TG: variants seen among roughly 807,000 people sequenced by gnomAD.
TG encodes thyroglobulin, also known as thyroid hormones.
Under a neutral mutation model 324.7 loss-of-function variants are expected in TG, and 270 were observed. The observed-to-expected ratio is 0.83, with a 90% confidence interval of 0.75 to 0.92. The LOEUF is 0.92. Among genes scored for constraint, TG ranks in the 40% least tolerant of loss-of-function variants. The pLI, the probability that TG is intolerant of heterozygous loss-of-function variation, is 0.00. For synonymous variants in TG, 1,401 were observed against 1,327.0 expected (o/e 1.06, Z -1.21); for missense variants, 3,591 against 3,456.4 (o/e 1.04, Z -0.98).
chr8:132,935,134 ACT>A (rs1160405413), intron 24 of TG, among the ~76,000 whole-genome samples: 1 of 136,512 alleles, frequency 7.3e-6, no homozygotes, highest in South Asian at 2.4e-4. Flanking sequence ...CATCTGGCAA[ACT>A]CTTTTTTTTT....
chr8:132,968,508 A>T (rs950508117), intron 31 of TG, among the ~76,000 whole-genome samples: 4 of 152,042 alleles, frequency 2.6e-5, no homozygotes, highest in Non-Finnish European at 5.9e-5. Flanking sequence ...GATTTTTTTT[A>T]ACCCCATACA....
chr8:133,027,971 T>G (rs974740945), intron 40 of TG, among the ~76,000 whole-genome samples: 1 of 152,238 alleles, frequency 6.6e-6, no homozygotes, highest in Non-Finnish European at 1.5e-5. Context: ...GCTTTCTGCC[T>G]TACCTAGCAT....
intron 27 of TG, among the ~76,000 whole-genome samples, chr8:132,956,730 A>G (rs950724339): frequency 5.3e-5 from 8 of 152,140 alleles, no homozygotes; most frequent in Admixed American, 2.6e-4. Flanking sequence ...TGCAGGACCA[A>G]AGGTAGGTTT....
intron 15 of TG, 28 bp downstream of exon 15, chr8:132,900,367 T>C: frequency 1.3e-6 from 2 of 1,583,794 alleles, no homozygotes; most frequent in South Asian, 2.3e-5. Context: ...CTGGCATGGC[T>C]TCTCACCTCT....
intron 40 of TG, among the ~76,000 whole-genome samples, chr8:133,026,112 C>T (rs981031838): frequency 6.6e-6 from 1 of 152,240 alleles, no homozygotes; most frequent in Admixed American, 6.5e-5. Context: ...CTAGCTGCCT[C>T]CTGGCACAGA....
intron 25 of TG, among the ~76,000 whole-genome samples, chr8:132,939,592 A>G (rs1019745722): frequency 1.3e-5 from 2 of 151,726 alleles, no homozygotes; most frequent in Non-Finnish European, 2.9e-5. Flanking sequence ...GGAGATACAT[A>G]AAACATCTGC....
chr8:132,900,522 GCA>G (rs1468812993), intron 15 of TG, among the ~76,000 whole-genome samples, 183 bp downstream of exon 15: 1 of 152,188 alleles, frequency 6.6e-6, no homozygotes, highest in Non-Finnish European at 1.5e-5. Context: ...CCCCATCTCT[GCA>G]GTTTCTTGGG....
chr8:132,880,231 A>G (rs1382542417), intron 5 of TG, among the ~76,000 whole-genome samples: 1 of 152,204 alleles, frequency 6.6e-6, no homozygotes, highest in Non-Finnish European at 1.5e-5. Context: ...CTAGTTCAAG[A>G]CAGTGGCCCA....
chr8:132,997,005 TTTTG>T (rs935309905), intron 35 of TG, among the ~76,000 whole-genome samples: 34 of 152,312 alleles, frequency 2.2e-4, no homozygotes, highest in African/African-American at 8.2e-4. Context: ...ACACTACGTT[TTTTG>T]TTTGTTTGTT....
intron 20 of TG, among the ~76,000 whole-genome samples, chr8:132,917,039 CTCCCTCCTTCCTTCCT>C (rs1377499438): frequency 5.2e-5 from 3 of 58,048 alleles, no homozygotes; most frequent in African/African-American, 1.5e-4. Context: ...CCCTCCCTCC[CTCCCTCCTTCCTTCCT>C]TCCTTCCTTC....
At chr8:132,985,107 T>C (rs1686306628) in intron 35 of TG, among the ~76,000 whole-genome samples, 2 of 152,172 alleles carry the variant, frequency 1.3e-5, no homozygotes, top group South Asian at 4.1e-4. Flanking sequence ...GTGGGTTCCA[T>C]AGCCGTGTGT....
intron 25 of TG, among the ~76,000 whole-genome samples, chr8:132,939,561 G>C (rs1214894517): frequency 6.6e-6 from 1 of 152,212 alleles, no homozygotes; most frequent in Non-Finnish European, 1.5e-5. Flanking sequence ...AATGCTTGGA[G>C]GGAGAAGACG....
At chr8:132,904,824 A>C (rs1226506385) in intron 16 of TG, among the ~76,000 whole-genome samples, 2 of 152,178 alleles carry the variant, frequency 1.3e-5, no homozygotes, top group African/African-American at 4.8e-5. Context: ...TATTCACTGA[A>C]ATGGGAAGGA....
Position 132,971,801 on chromosome 8 carries a change from G to C in TG, c.5983G>C (p.Glu1995Gln). ...TTTCTCTTCCTATGCCAGGTTCTTT[G>C]AATGTGAACGACGGTGCGATGCGGA... ...SEKSISNGFF[E>Q]CERRCDADPC... The change falls in exon 33 of 48, where the codon GAA (glutamate) becomes CAA (glutamine). Residue 1995 changes from glutamate (E) to glutamine (Q), a missense_variant. By Grantham distance (29) the Glu-to-Gln change is conservative. Transcript: ENST00000220616. 6.2e-7 allele frequency: 1 copy of C among 1,612,942 alleles called. No homozygotes were observed. Among genetic ancestry groups the C allele is most frequent in the South Asian group, 1.1e-5 (1 of 91,050 alleles).
chr8:133,006,462 G>A (rs540469713), intron 35 of TG, among the ~76,000 whole-genome samples: 15 of 152,342 alleles, frequency 9.8e-5, no homozygotes, highest in African/African-American at 3.4e-4. Context: ...TACGATGGAC[G>A]GGTAAGAATC....
intron 41 of TG, among the ~76,000 whole-genome samples, chr8:133,057,571 A>G (rs1164172561): frequency 6.6e-6 from 1 of 152,044 alleles, no homozygotes; most frequent in Non-Finnish European, 1.5e-5. Context: ...CTTGTTCCAG[A>G]TCTCTGGGGC....
In TG at chr8:132,901,269, C is replaced by T. The variant is rs978325415; in HGVS notation, c.3434-84C>T. ...TGCAGGCAGGTGGGCTGAGGGTGGC[C>T]GTGGGTGGTGAGGAGGGTGATTGGG... On this transcript the variant is annotated intron_variant, in intron 15 of 47. Coordinates refer to ENST00000220616, the MANE Select transcript of TG (RefSeq NM_003235.5). 32 of 1,535,842 alleles carry T rather than the reference C, an allele frequency of 2.1e-5. No individual in the cohort carries two copies. In the African/African-American group the frequency reaches 2.2e-4, roughly 10 times the overall value.
In TG at chr8:133,017,791, C is replaced by A; in HGVS notation, c.6576C>A (p.Leu2192=). The change falls in exon 38 of 48, where the codon CTC becomes CTA. Residue 2192 remains leucine (L), a synonymous_variant. Coordinates refer to ENST00000220616, the MANE Select transcript of TG (RefSeq NM_003235.5). ...HIYRKPGISL[L]SYEASVPSVP... Reference sequence around the variant, plus strand: ...CTTTCCCAACAGGAATCTCTCTGCTCAGCTATGAGGCATCTGTACCTTCTG... The same window carrying A: ...CTTTCCCAACAGGAATCTCTCTGCTAAGCTATGAGGCATCTGTACCTTCTG... 1 of 1,614,200 alleles carries A rather than the reference C, an allele frequency of 6.2e-7. No homozygotes were observed. Among genetic ancestry groups the A allele is most frequent in the South Asian group, 1.1e-5 (1 of 91,082 alleles).
chr8:132,887,925 G>T, intron 9 of TG, 59 bp from the exon 10 acceptor site: 1 of 1,481,928 alleles, frequency 6.7e-7, no homozygotes, highest in South Asian at 1.2e-5. Context: ...GTTTTATCTT[G>T]GTCTTTCCAG....
Sources: allele counts gnomAD v4.1 joint callset (sites outside exome capture counted in the v4.1 genomes callset), GRCh38; gene constraint gnomAD v4.1.1; transcripts MANE v1.5; gene names NCBI Gene and HGNC (gene_info 2026-07-23, HGNC 2026-07-21).